CNBD1: variants seen among roughly 807,000 people sequenced by gnomAD.
CNBD1 encodes the protein cyclic nucleotide-binding domain-containing protein 1.
In CNBD1, 71 loss-of-function variants were observed where a neutral mutation model predicts 54.4. The observed-to-expected ratio is 1.30, with a 90% confidence interval of 1.08 to 1.59. CNBD1 has a LOEUF of 1.59. Among genes scored for constraint, CNBD1 ranks in the 40% most tolerant of loss-of-function variants. The pLI is 0.00. For missense variants in CNBD1, 659 were observed against 518.0 expected, an observed-to-expected ratio of 1.27 and a Z score of -2.64; for synonymous variants, 182 against 170.7, an observed-to-expected ratio of 1.07 and a Z score of -0.51.
intron 4 of CNBD1, among the ~76,000 whole-genome samples, chr8:87,044,047 A>C (rs1030764719): frequency 6.6e-6 from 1 of 152,148 alleles, no homozygotes; most frequent in African/African-American, 2.4e-5. Context: ...TGTGTCCTTT[A>C]TATGTTAATG....
intron 5 of CNBD1, among the ~76,000 whole-genome samples, chr8:87,218,679 C>T (rs907376184): frequency 2.6e-5 from 4 of 151,726 alleles, no homozygotes; most frequent in Non-Finnish European, 4.4e-5. Context: ...ATTAGAAAGC[C>T]TTTAAAAACT....
intron 4 of CNBD1, among the ~76,000 whole-genome samples, chr8:86,980,365 G>C (rs562410158): frequency 6.6e-6 from 1 of 152,280 alleles, no homozygotes; most frequent in East Asian, 1.9e-4. Context: ...AGGGTGAGTG[G>C]TATTTTATGC....
intron 6 of CNBD1, among the ~76,000 whole-genome samples, chr8:87,282,545 A>G (rs1337322119): frequency 1.3e-5 from 2 of 151,860 alleles, no homozygotes; most frequent in Non-Finnish European, 2.9e-5. Flanking sequence ...TAAGATAACC[A>G]TATTTACAGA....
chr8:86,910,218 A>G (rs1189237512), intron 3 of CNBD1, among the ~76,000 whole-genome samples: 1 of 152,170 alleles, frequency 6.6e-6, no homozygotes, highest in Non-Finnish European at 1.5e-5. Flanking sequence ...GGAGGATGGG[A>G]AAAGCCAGCC....
chr8:87,209,577 T>C (rs114243784), intron 5 of CNBD1, among the ~76,000 whole-genome samples: 2,238 of 152,210 alleles, frequency 0.015, 72 homozygotes, highest in African/African-American at 0.051. Flanking sequence ...AAAAAATTAA[T>C]ATTGTTAAAA....
At chr8:87,162,501 T>G (rs958876891) in intron 4 of CNBD1, among the ~76,000 whole-genome samples, 1 of 152,122 alleles carries the variant, frequency 6.6e-6, no homozygotes, top group Non-Finnish European at 1.5e-5. Context: ...AATTTTGTGG[T>G]AGTTGTTTTC....
At chr8:86,939,575 A>G (rs747680735) in intron 3 of CNBD1, 21 bp from the exon 4 acceptor site, 1 of 1,546,170 alleles carries the variant, frequency 6.5e-7, no homozygotes, top group Non-Finnish European at 8.7e-7. Context: ...ACAGCATAAA[A>G]TACTATATTT....
At chr8:87,189,033 A>G (rs1384230297) in intron 4 of CNBD1, among the ~76,000 whole-genome samples, 2 of 151,974 alleles carry the variant, frequency 1.3e-5, no homozygotes, top group Non-Finnish European at 2.9e-5. Flanking sequence ...TTTTGTGTGT[A>G]GTAGAAGCAG....
intron 6 of CNBD1, among the ~76,000 whole-genome samples, chr8:87,253,245 G>A (rs28753960): frequency 0.28 from 43,038 of 151,874 alleles, 6,609 homozygotes; most frequent in African/African-American, 0.4. Context: ...GGAGGATTAC[G>A]TCTAAGGGCT....
At chr8:87,301,788 A>G (rs978886103) in intron 8 of CNBD1, among the ~76,000 whole-genome samples, 14 of 152,172 alleles carry the variant, frequency 9.2e-5, no homozygotes, top group African/African-American at 2.7e-4. Flanking sequence ...AGAGGAAATA[A>G]AAAATGATAA....
intron 4 of CNBD1, among the ~76,000 whole-genome samples, chr8:87,080,091 G>A (rs78360715): frequency 0.04 from 6,070 of 151,902 alleles, 158 homozygotes; most frequent in Non-Finnish European, 0.056. Context: ...AACATTTCTC[G>A]TCATCCTTGT....
Position 87,330,078 on chromosome 8 carries a change from A to T in CNBD1, c.1043-21607A>T, listed in dbSNP as rs191043661. Among the ~76,000 whole-genome samples the T allele has an allele frequency of 3.9e-3, 592 of 151,994 alleles. 3 individuals are homozygous for T. Among genetic ancestry groups the T allele is most frequent in the Non-Finnish European group, 6.2e-3 (424 of 67,862 alleles). On this transcript the variant is annotated intron_variant, in intron 8 of 10. Coordinates refer to ENST00000518476, the MANE Select transcript of CNBD1 (RefSeq NM_173538.3). Reference sequence around the variant, plus strand: ...GAAGAAGGTCTACTGAGAGTTTTTAATCTAGGCTTTTAATCTAGTTTTTAA... The same window carrying T: ...GAAGAAGGTCTACTGAGAGTTTTTATTCTAGGCTTTTAATCTAGTTTTTAA...
intron 10 of CNBD1, among the ~76,000 whole-genome samples, chr8:87,375,256 T>C (rs995851524): frequency 6.6e-6 from 1 of 151,864 alleles, no homozygotes; most frequent in Admixed American, 6.6e-5. Flanking sequence ...AAACAGCTGA[T>C]AGTTTAGTTA....
intron 8 of CNBD1, among the ~76,000 whole-genome samples, chr8:87,310,877 G>T (rs932538507): frequency 5.3e-5 from 8 of 152,032 alleles, no homozygotes; most frequent in Admixed American, 2.0e-4. Context: ...ATAAGCAATG[G>T]TACTGGGATA....
rs761593579 is a variant in CNBD1, at chr8:87,184,682, CT to C, written c.432-21310del. On this transcript the variant is annotated intron_variant, in intron 4 of 10. Transcript: ENST00000518476. The stretch of plus-strand genomic sequence containing the variant: ...AAGCCACTGGGGGCCAGGAAGGAGT[CT>C]GGTGCTTGGCAACCTAACTTCCTCC... 4.7e-4 allele frequency among the ~76,000 whole-genome samples: 72 copies of C among 152,130 alleles called. 1 individual carries two copies. The highest frequency in any genetic ancestry group is 8.7e-4 in the Non-Finnish European group (59 of 68,022).
intron 4 of CNBD1, among the ~76,000 whole-genome samples, chr8:87,150,976 G>A (rs1006829782): frequency 1.3e-5 from 2 of 152,126 alleles, no homozygotes; most frequent in Non-Finnish European, 1.5e-5. Context: ...AAAGAAGGTC[G>A]GGGCCTATCT....
intron 4 of CNBD1, among the ~76,000 whole-genome samples, chr8:87,128,200 G>T (rs1419422964): frequency 1.3e-5 from 2 of 152,160 alleles, no homozygotes; most frequent in African/African-American, 4.8e-5. Flanking sequence ...CTTCCTGGAA[G>T]CCGAACAAGT....
In CNBD1 at chr8:87,032,997, T is replaced by G. The variant is rs547203242; in HGVS notation, c.431+93243T>G. Among the ~76,000 whole-genome samples, 3 of 152,314 alleles carry G rather than the reference T, an allele frequency of 2.0e-5. No homozygotes were observed. In the East Asian group the frequency reaches 5.8e-4, roughly 29 times the overall value. ...CTCCCTCTTTGCTGTATCGACAATC[T>G]CTTTCACAGTTTCCTTGATTGACTC... On this transcript the variant is annotated intron_variant, in intron 4 of 10. Coordinates refer to ENST00000518476, the MANE Select transcript of CNBD1 (RefSeq NM_173538.3).
In CNBD1 at chr8:87,164,580, A is replaced by G. The variant is rs144421794; in HGVS notation, c.432-41413A>G. Among the ~76,000 whole-genome samples, 1,288 of 151,874 alleles carry G rather than the reference A, an allele frequency of 8.5e-3. 21 individuals are homozygous for G. Among genetic ancestry groups the G allele is most frequent in the African/African-American group, 0.026 (1,086 of 41,546 alleles). ...TGTAGCTTATACAATTTGTTGGCAT[A>G]TAATTGTTTACAGTAGTTTTTTTAT... is the stretch of plus-strand genomic sequence containing the variant. On this transcript the variant is annotated intron_variant, in intron 4 of 10. Transcript: ENST00000518476.
Sources: gnomAD v4.1 joint callset for allele counts (sites outside exome capture counted in the v4.1 genomes callset) on GRCh38, gnomAD v4.1.1 for gene constraint, MANE v1.5 for transcripts, NCBI Gene and HGNC (gene_info 2026-07-23, HGNC 2026-07-21) for gene names.